Variants in ABCC2 observed in about 807,000 individuals in gnomAD.
The protein encoded by ABCC2 is ATP binding cassette subfamily C member 2, also known as ATP-binding cassette sub-family C member 2.
A neutral mutation model predicts 173.4 loss-of-function variants in ABCC2; 157 were observed. The observed-to-expected ratio is 0.91, with a 90% CI of 0.80 to 1.03. ABCC2 has a LOEUF of 1.03. ABCC2 is among the 50% of genes least tolerant of loss of function. ABCC2 has a pLI of 0.00. For missense variants in ABCC2, 1,822 were observed against 1,852.3 expected (o/e 0.98, Z 0.30); for synonymous variants, 657 against 693.5 (o/e 0.95, Z 0.83).
intron 12 of ABCC2, 130 bp downstream of exon 12, chr10:99,807,651 C>A: frequency 7.6e-7 from 1 of 1,311,036 alleles, no homozygotes; most frequent in Non-Finnish European, 1.1e-6. Flanking sequence ...GGACTTGTCC[C>A]TCTCACCGCC....
intron 25 of ABCC2, among the ~76,000 whole-genome samples, chr10:99,836,812 GA>G (rs1214684335): frequency 6.6e-6 from 1 of 152,202 alleles, no homozygotes; most frequent in East Asian, 1.9e-4. Flanking sequence ...TCCGTCTTGT[GA>G]ACAGGGTGAG....
At chr10:99,784,185 C>A (rs748224726) in intron 1 of ABCC2, among the ~76,000 whole-genome samples, 9 of 152,066 alleles carry the variant, frequency 5.9e-5, no homozygotes, top group Non-Finnish European at 1.2e-4. Context: ...AGCATTCTCC[C>A]TGCATGGCGC....
intron 22 of ABCC2, 38 bp downstream of exon 22, chr10:99,831,868 T>C (rs1211599057): frequency 2.5e-6 from 4 of 1,612,092 alleles, no homozygotes; most frequent in East Asian, 2.2e-5. Context: ...AGAATCTGTC[T>C]GGACCCTGTA....
At chr10:99,795,992 A>G (rs963378991) in intron 6 of ABCC2, among the ~76,000 whole-genome samples, 5 of 152,136 alleles carry the variant, frequency 3.3e-5, no homozygotes, top group African/African-American at 1.2e-4. Flanking sequence ...GCAGAGAAAG[A>G]CCATGTCTCT....
In ABCC2 at chr10:99,847,136, C is replaced by T. The variant is rs1184133781; in HGVS notation, c.4313+9C>T. 6.2e-7 allele frequency: 1 copy of T among 1,613,992 alleles called. No individual in the cohort carries two copies. The highest frequency in any genetic ancestry group is 1.1e-5 in the South Asian group (1 of 91,040). On this transcript the variant is annotated intron_variant, in intron 30 of 31. Transcript: ENST00000647814. ...GCTGGTGGCAACCTGAGGTAATGTT[C>T]CATAGCCTGCTACCCCTGCAGGCAA...
At chr10:99,786,875 C>T (rs7901377) in intron 2 of ABCC2, among the ~76,000 whole-genome samples, 88,037 of 151,842 alleles carry the variant, frequency 0.58, 25,805 homozygotes, top group East Asian at 0.77. Context: ...TGGTGGCGGA[C>T]GCCTGTAATC....
At position 99,841,950 on chromosome 10, in the gene ABCC2, G is replaced by A. The variant is rs2038953427; in HGVS notation, c.3615-17G>A. The A allele has an allele frequency of 6.2e-7, 1 of 1,614,128 alleles. No individual in the cohort carries two copies. The highest frequency in any genetic ancestry group is 1.7e-5 in the Admixed American group (1 of 60,016). ...CGTGATCAGTGACACGCACTCTCTG[G>A]TTCTGTTGCCCCACAGGTGGCTTGC... On this transcript the variant is annotated splice_polypyrimidine_tract_variant and intron_variant, in intron 25 of 31. Transcript: ENST00000647814.
At chr10:99,824,276 T>G (rs1413090187) in intron 19 of ABCC2, among the ~76,000 whole-genome samples, 1 of 148,860 alleles carries the variant, frequency 6.7e-6, no homozygotes, top group Non-Finnish European at 1.5e-5. Context: ...TTAATGTGTC[T>G]TTTCTTATTT....
chr10:99,847,433 C>A (rs2039034384), intron 30 of ABCC2, among the ~76,000 whole-genome samples: 2 of 151,696 alleles, frequency 1.3e-5, no homozygotes, highest in Admixed American at 1.3e-4. Context: ...GAAACCCTGT[C>A]TCTACTAAAA....
At chr10:99,849,157 G>A (rs761645666) in intron 30 of ABCC2, among the ~76,000 whole-genome samples, 1 of 152,166 alleles carries the variant, frequency 6.6e-6, no homozygotes, top group Non-Finnish European at 1.5e-5. Context: ...TTGAACCCGG[G>A]TGGCGGAGGT....
intron 9 of ABCC2, 25 bp downstream of exon 9, chr10:99,800,588 C>CGG (rs1485459276): frequency 6.2e-7 from 1 of 1,613,036 alleles, no homozygotes; most frequent in Admixed American, 1.7e-5. Flanking sequence ...GCAGGTATCA[C>CGG]CAAAGAAAAT....
At position 99,793,987 on chromosome 10, in the gene ABCC2, T is replaced by C; in HGVS notation, c.564T>C (p.Asn188=). The C allele has an allele frequency of 1.9e-6, 3 of 1,606,518 alleles. No homozygotes were observed. The highest frequency in any genetic ancestry group is 1.7e-6 in the Non-Finnish European group (2 of 1,173,474). ...TCTTTTCAGCATTTTCAGAAAATAATGAGTCATCAAATGTGAGATTCTAAA... is the reference window on the plus strand; with the variant it reads ...TCTTTTCAGCATTTTCAGAAAATAACGAGTCATCAAATGTGAGATTCTAAA... ...ILIFSAFSEN[N]ESSNNPSSIA... Residue 188 remains asparagine, a synonymous_variant, in exon 5 of 32, where the codon AAT becomes AAC. Coordinates refer to ENST00000647814, the MANE Select transcript of ABCC2 (RefSeq NM_000392.5).
At chr10:99,792,006 A>G (rs559960920) in intron 2 of ABCC2, among the ~76,000 whole-genome samples, 1 of 152,232 alleles carries the variant, frequency 6.6e-6, no homozygotes, top group Non-Finnish European at 1.5e-5. Context: ...AAATCTGCAG[A>G]CATATTTTAA....
At chr10:99,825,520 T>C (rs915154310) in intron 19 of ABCC2, among the ~76,000 whole-genome samples, 3 of 152,226 alleles carry the variant, frequency 2.0e-5, no homozygotes, top group Non-Finnish European at 2.9e-5. Context: ...TTCCAAACCC[T>C]CCTGTTCTTT....
rs146464095 is a variant in ABCC2 at position 99,804,026 on chromosome 10, C to A, written c.1217C>A (p.Thr406Asn). 2 of 1,614,022 alleles carry A rather than the reference C, an allele frequency of 1.2e-6. No homozygotes were observed. The highest frequency in any genetic ancestry group is 2.7e-5 in the African/African-American group (2 of 74,896). The change falls in exon 10 of 32, where the codon ACC becomes AAC. Residue 406 changes from threonine to asparagine, a missense_variant. Thr to Asn is a moderately conservative substitution (Grantham distance 65). Transcript: ENST00000647814. ...TTCAATCCTTATCTTTAGGCATTGA[C>A]CCTATCCAACTTGGCCAGGAAGGAG... Reference protein sequence around the residue: ...IMASVYKKALTLSNLARKEYT... With the variant: ...IMASVYKKALNLSNLARKEYT...
intron 1 of ABCC2, among the ~76,000 whole-genome samples, chr10:99,783,768 G>A (rs1230919018): frequency 3.9e-5 from 6 of 152,154 alleles, no homozygotes; most frequent in Non-Finnish European, 7.4e-5. Context: ...GAGGCCAGGA[G>A]TGTATACCAC....
intron 6 of ABCC2, chr10:99,794,735 G>T (rs2037869603): frequency 5.1e-6 from 2 of 391,058 alleles, no homozygotes; most frequent in Non-Finnish European, 9.5e-6. Flanking sequence ...AGTAGAGACG[G>T]GGTTTCACCA....
Position 99,850,591 on chromosome 10 carries a change from A to T in ABCC2, c.4314-11A>T. The T allele has an allele frequency of 6.2e-7, 1 of 1,614,002 alleles. No individual in the cohort carries two copies. The highest frequency in any genetic ancestry group is 2.2e-5 in the East Asian group (1 of 44,890). Reference sequence around the variant, plus strand: ...TAGGAGCTAACACATGGTTGCTTCTATTGGCTGCAGCATAGGCCAGAGGCA... The same window carrying T: ...TAGGAGCTAACACATGGTTGCTTCTTTTGGCTGCAGCATAGGCCAGAGGCA... On this transcript the variant is annotated splice_polypyrimidine_tract_variant and intron_variant, in intron 30 of 31. Transcript: ENST00000647814.
intron 17 of ABCC2, among the ~76,000 whole-genome samples, chr10:99,817,883 G>C (rs1294755282): frequency 6.6e-6 from 1 of 152,120 alleles, no homozygotes; most frequent in Non-Finnish European, 1.5e-5. Context: ...ACACTTAGAT[G>C]TTTATTGTGA....
Sources: gnomAD v4.1 joint callset for allele counts (sites outside exome capture counted in the v4.1 genomes callset) on GRCh38, gnomAD v4.1.1 for gene constraint, MANE v1.5 for transcripts, NCBI Gene and HGNC (gene_info 2026-07-23, HGNC 2026-07-21) for gene names.